The following APBB2 variants were observed in gnomAD, a reference collection of about 807,000 sequenced individuals.
APBB2 encodes the protein amyloid beta precursor protein binding family B member 2.
In APBB2, 38 loss-of-function variants were observed where a neutral mutation model predicts 82.5. The observed-to-expected ratio is 0.46, with a 90% CI of 0.36 to 0.60. The LOEUF (loss-of-function observed/expected upper bound fraction) is 0.60, where lower values mean the gene tolerates loss of function less well. Among genes scored for constraint, APBB2 ranks in the 20% least tolerant of loss-of-function variants. The pLI is 0.00. For synonymous variants in APBB2, 341 were observed against 368.2 expected, an observed-to-expected ratio of 0.93 and a Z score of 0.85; for missense variants, 772 against 972.3, an observed-to-expected ratio of 0.79 and a Z score of 2.74.
Position 41,129,019 on chromosome 4 carries a change from C to T in APBB2, c.-261+13968G>A, listed in dbSNP as rs114521435. On this transcript the variant is annotated intron_variant, in intron 2 of 17. Transcript: ENST00000508593. ...ACTTCCTACTCCCTCCATCACACAC[C>T]GTGTCTTTGACCAAATCCTATTAAT... Among the ~76,000 whole-genome samples, 153 of 152,236 alleles carry T rather than the reference C, an allele frequency of 1.0e-3. 1 individual carries two copies. The highest frequency in any genetic ancestry group is 3.3e-3 in the African/African-American group (138 of 41,546).
chr4:40,964,789 G>C (rs1335728244), intron 6 of APBB2, among the ~76,000 whole-genome samples: 1 of 14,910 alleles, frequency 6.7e-5, no homozygotes, highest in Non-Finnish European at 2.6e-4. Flanking sequence ...AATGCACATT[G>C]CAAGTATAGT....
intron 6 of APBB2, among the ~76,000 whole-genome samples, chr4:41,001,851 C>G (rs1194228593): frequency 1.3e-5 from 2 of 150,908 alleles, no homozygotes; most frequent in African/African-American, 4.9e-5. Flanking sequence ...GCACTCCAGC[C>G]TGGGTGACAG....
intron 6 of APBB2, among the ~76,000 whole-genome samples, chr4:41,003,741 C>T (rs1028051023): frequency 2.6e-5 from 4 of 152,208 alleles, no homozygotes; most frequent in African/African-American, 9.6e-5. Context: ...GAGACAGAGT[C>T]TCGCTCTGTT....
chr4:40,998,322 G>A (rs144328577), intron 6 of APBB2, among the ~76,000 whole-genome samples: 1,594 of 152,182 alleles, frequency 0.01, 15 homozygotes, highest in Non-Finnish European at 0.013. Context: ...AATAACCAAC[G>A]CATGATGTTA....
chr4:41,051,883 C>T (rs998878658), intron 4 of APBB2, among the ~76,000 whole-genome samples: 4 of 152,156 alleles, frequency 2.6e-5, no homozygotes, highest in Non-Finnish European at 5.9e-5. Context: ...TTAGGTAAGT[C>T]AGCTAACCTC....
chr4:40,847,855 G>A (rs1758149178), intron 12 of APBB2, among the ~76,000 whole-genome samples: 1 of 151,798 alleles, frequency 6.6e-6, no homozygotes, highest in Non-Finnish European at 1.5e-5. Context: ...TGCCCAGGCA[G>A]GAGTCCAGTA....
At chr4:41,013,501 G>A (rs1014040418) in intron 6 of APBB2, 82 bp downstream of exon 6, 15 of 1,330,084 alleles carry the variant, frequency 1.1e-5, no homozygotes, top group South Asian at 8.3e-5. Flanking sequence ...GACATTTTTG[G>A]TCAGTCTAGA....
At chr4:40,858,919 A>C (rs1422006380) in intron 12 of APBB2, among the ~76,000 whole-genome samples, 1 of 152,242 alleles carries the variant, frequency 6.6e-6, no homozygotes, top group Non-Finnish European at 1.5e-5. Flanking sequence ...AAGTGAGGCT[A>C]GAAGAGGGTT....
At chr4:41,208,173 T>C (rs1778421613) in intron 1 of APBB2, among the ~76,000 whole-genome samples, 1 of 152,192 alleles carries the variant, frequency 6.6e-6, no homozygotes, top group South Asian at 2.1e-4. Flanking sequence ...ACAATGGCAT[T>C]TCCCTTTACC....
At chr4:40,936,865 G>A (rs1053428691) in intron 7 of APBB2, among the ~76,000 whole-genome samples, 5 of 152,142 alleles carry the variant, frequency 3.3e-5, no homozygotes, top group East Asian at 1.9e-4. Context: ...CTGTTAGCTC[G>A]GAGGAGCTAT....
intron 6 of APBB2, among the ~76,000 whole-genome samples, chr4:41,008,554 A>T (rs562177052): frequency 6.6e-6 from 1 of 152,320 alleles, no homozygotes; most frequent in South Asian, 2.1e-4. Flanking sequence ...GAAAGTCGTA[A>T]CTCAGAGTCC....
At chr4:41,171,567 G>C (rs1285709950) in intron 1 of APBB2, among the ~76,000 whole-genome samples, 2 of 152,242 alleles carry the variant, frequency 1.3e-5, no homozygotes, top group African/African-American at 4.8e-5. Flanking sequence ...TTCGAGCTGA[G>C]TAACCATTTC....
intron 10 of APBB2, among the ~76,000 whole-genome samples, chr4:40,914,695 C>G (rs558696128): frequency 2.8e-4 from 43 of 152,362 alleles, no homozygotes; most frequent in African/African-American, 1.0e-3. Flanking sequence ...TGTATTTCCT[C>G]TAGGAGCAAT....
intron 12 of APBB2, among the ~76,000 whole-genome samples, chr4:40,878,807 C>T (rs1243524214): frequency 6.6e-6 from 1 of 152,138 alleles, no homozygotes; most frequent in Non-Finnish European, 1.5e-5. Flanking sequence ...TTTATTCTTT[C>T]CATTTTAAGT....
intron 6 of APBB2, among the ~76,000 whole-genome samples, chr4:40,987,946 G>A (rs1004451069): frequency 1.3e-5 from 2 of 152,170 alleles, no homozygotes; most frequent in African/African-American, 4.8e-5. Context: ...ATTAAAATGA[G>A]ATTTTTATAT....
intron 10 of APBB2, among the ~76,000 whole-genome samples, chr4:40,909,323 A>G (rs1305189212): frequency 6.6e-6 from 1 of 152,158 alleles, no homozygotes; most frequent in Non-Finnish European, 1.5e-5. Flanking sequence ...AGTCGACTGC[A>G]TGTTCAGGTT....
intron 6 of APBB2, among the ~76,000 whole-genome samples, chr4:40,965,412 G>T (rs752267291): frequency 6.6e-6 from 1 of 152,100 alleles, no homozygotes; most frequent in Non-Finnish European, 1.5e-5. Flanking sequence ...GGGGCCCAAG[G>T]CTCTGAAAAG....
chr4:41,097,237 G>A (rs1298621743), intron 3 of APBB2, among the ~76,000 whole-genome samples: 1 of 152,150 alleles, frequency 6.6e-6, no homozygotes, highest in Non-Finnish European at 1.5e-5. Flanking sequence ...GACCAAAGAA[G>A]ACACAAAGCT....
rs761701253 is a variant in APBB2 at position 40,945,091 on chromosome 4, G to A, written c.836-18C>T. On this transcript the variant is annotated intron_variant, in intron 6 of 17. Transcript: ENST00000508593. Reference sequence around the variant, plus strand: ...TATATCTGCTGAAAAATTGGGGGGCGGGGCGGGGGGAGAAAGAGAGAATTT... The same window carrying A: ...TATATCTGCTGAAAAATTGGGGGGCAGGGCGGGGGGAGAAAGAGAGAATTT... 7.0e-6 allele frequency: 8 copies of A among 1,139,546 alleles called. No individual in the cohort carries two copies. The highest frequency in any genetic ancestry group is 1.2e-5 in the South Asian group (1 of 82,636). The allele number at this position is 1,139,546 out of a possible 1,614,324, so 70.6% of individuals were successfully genotyped here. A position where few individuals can be genotyped will look rare whatever the true frequency, so the allele number is the denominator to read the frequency against.
Sources: allele counts gnomAD v4.1 joint callset (sites outside exome capture counted in the v4.1 genomes callset), GRCh38; gene constraint gnomAD v4.1.1; transcripts MANE v1.5; gene names NCBI Gene and HGNC (gene_info 2026-07-23, HGNC 2026-07-21).